Variants in LRRFIP1 observed in about 807,000 individuals in gnomAD.
The protein encoded by LRRFIP1 is LRR binding FLII interacting protein 1.
In LRRFIP1, 62 loss-of-function variants were observed where a neutral mutation model predicts 104.4. The observed-to-expected ratio is 0.59, with a 90% CI of 0.48 to 0.73. LRRFIP1 has a LOEUF of 0.73. Ranked by LOEUF, LRRFIP1 falls within the 30% of genes least tolerant of loss-of-function variation. LRRFIP1 has a pLI of 0.00. For synonymous variants in LRRFIP1, 300 were observed against 299.0 expected, an observed-to-expected ratio of 1.00 and a Z score of -0.03; for missense variants, 796 against 824.5, an observed-to-expected ratio of 0.97 and a Z score of 0.42.
At position 237,717,340 on chromosome 2, in the gene LRRFIP1, C is replaced by G. The variant is rs1371152569; in HGVS notation, c.202-422C>G. On this transcript the variant is annotated intron_variant, in intron 3 of 23. Coordinates refer to ENST00000308482, the MANE Select transcript of LRRFIP1 (RefSeq NM_001137550.2). The surrounding 1 kb of genome is among the most constrained non-coding windows in gnomAD (Gnocchi z 4.2). ...CTTCTCCTCTCAGTTTCCCTGAGGTCCCAACACCGGAATGGCTCTGAGCTT... is the reference window on the plus strand; with the variant it reads ...CTTCTCCTCTCAGTTTCCCTGAGGTGCCAACACCGGAATGGCTCTGAGCTT... Among the ~76,000 whole-genome samples the G allele has an allele frequency of 1.3e-5, 2 of 152,214 alleles. No homozygotes were observed. Among genetic ancestry groups the G allele is most frequent in the African/African-American group, 4.8e-5 (2 of 41,446 alleles).
At chr2:237,666,180 G>A (rs998525451) in intron 1 of LRRFIP1, among the ~76,000 whole-genome samples, 6 of 152,348 alleles carry the variant, frequency 3.9e-5, no homozygotes, top group Middle Eastern at 3.4e-3. Flanking sequence ...CACAGCACTC[G>A]GCACAGTGCC....
intron 1 of LRRFIP1, among the ~76,000 whole-genome samples, chr2:237,693,319 G>A (rs1304573866): frequency 2.0e-5 from 3 of 152,210 alleles, no homozygotes; most frequent in Non-Finnish European, 4.4e-5. Context: ...TCTTTCATCA[G>A]GTAGAAATTA....
At chr2:237,767,131 A>G (rs1576398148) in intron 19 of LRRFIP1, among the ~76,000 whole-genome samples, 3 of 152,200 alleles carry the variant, frequency 2.0e-5, no homozygotes, top group African/African-American at 7.2e-5. Context: ...AATTGTGCTC[A>G]CACCACTGCA....
At position 237,719,562 on chromosome 2, in the gene LRRFIP1, A is replaced by G; in HGVS notation, c.289A>G (p.Thr97Ala). 1.2e-6 allele frequency: 2 copies of G among 1,613,240 alleles called. No homozygotes were observed. Among genetic ancestry groups the G allele is most frequent in the East Asian group, 2.2e-5 (1 of 44,858 alleles). Residue 97 changes from threonine to alanine, a missense_variant, in exon 5 of 24, where the codon ACA becomes GCA. Transcript: ENST00000308482. ...ERYSRRSRRN[T>A]SASDEDERMS... is the part of the protein sequence containing the mutation. Reference sequence around the variant, plus strand: ...CTACTCTCGTAGATCCAGAAGAAACACATCGGTTAGTACCGTGTTCATTCA... The same window carrying G: ...CTACTCTCGTAGATCCAGAAGAAACGCATCGGTTAGTACCGTGTTCATTCA...
chr2:237,779,278 C>T, intron 23 of LRRFIP1, 144 bp from the exon 24 acceptor site: 26 of 1,301,066 alleles, frequency 2.0e-5, no homozygotes, highest in Non-Finnish European at 2.5e-5. Context: ...CCAGTTGTTT[C>T]AGAGGAGGAA....
chr2:237,699,398 G>T (rs1352390163), intron 1 of LRRFIP1, among the ~76,000 whole-genome samples: 2 of 150,612 alleles, frequency 1.3e-5, no homozygotes, highest in East Asian at 3.9e-4. Flanking sequence ...TGTCGCCCAG[G>T]CTGGAGTGCA....
chr2:237,743,032 C>CA (rs3215065), intron 11 of LRRFIP1, among the ~76,000 whole-genome samples: 16,808 of 148,362 alleles, frequency 0.11, 1,167 homozygotes, highest in African/African-American at 0.19. Flanking sequence ...CCCAAAAAAA[C>CA]AAAAAAAAAA....
At chr2:237,672,117 G>A (rs1264192283) in intron 1 of LRRFIP1, among the ~76,000 whole-genome samples, 3 of 151,720 alleles carry the variant, frequency 2.0e-5, no homozygotes, top group Non-Finnish European at 4.4e-5. Context: ...GTTTAACATA[G>A]CATTTGTCTC....
At chr2:237,763,944 C>T (rs774352864) in intron 19 of LRRFIP1, 1 of 1,614,198 alleles carries the variant, frequency 6.2e-7, no homozygotes, top group Admixed American at 1.7e-5. Flanking sequence ...GCCTGTGAAG[C>T]AGAAAGTACA....
At chr2:237,707,321 T>A (rs1026094802) in intron 1 of LRRFIP1, among the ~76,000 whole-genome samples, 1 of 150,880 alleles carries the variant, frequency 6.6e-6, no homozygotes, top group Admixed American at 6.6e-5. Flanking sequence ...TAGTCCCAGC[T>A]ACTCAGGAGG....
chr2:237,748,815 G>A (rs1489832763), intron 12 of LRRFIP1, among the ~76,000 whole-genome samples: 3 of 152,152 alleles, frequency 2.0e-5, no homozygotes, highest in Admixed American at 1.3e-4. Flanking sequence ...GTGTTAGTCC[G>A]TTCTCACACT....
intron 1 of LRRFIP1, among the ~76,000 whole-genome samples, chr2:237,643,975 T>G (rs559219238): frequency 6.6e-6 from 1 of 152,326 alleles, no homozygotes; most frequent in South Asian, 2.1e-4. Flanking sequence ...CCCTCCTTCA[T>G]GTAATAAGAT....
At chr2:237,763,932 A>G in intron 19 of LRRFIP1, 1 of 1,614,238 alleles carries the variant, frequency 6.2e-7, no homozygotes, top group African/African-American at 1.3e-5. Context: ...GACATTAGTG[A>G]TGCCTGTGAA....
At chr2:237,699,591 A>G (rs1368209663) in intron 1 of LRRFIP1, among the ~76,000 whole-genome samples, 1 of 152,094 alleles carries the variant, frequency 6.6e-6, no homozygotes, top group Admixed American at 6.5e-5. Flanking sequence ...ACCTCAGATG[A>G]TCCGCCTGCC....
intron 7 of LRRFIP1, among the ~76,000 whole-genome samples, chr2:237,726,581 A>T (rs1158065105): frequency 6.6e-6 from 1 of 152,206 alleles, no homozygotes; most frequent in East Asian, 1.9e-4. Flanking sequence ...ATTTATTATT[A>T]TGCACATTTT....
At chr2:237,739,418 T>C (rs2150440340) in intron 11 of LRRFIP1, 109 bp downstream of exon 11, 4 of 952,200 alleles carry the variant, frequency 4.2e-6, no homozygotes, top group Admixed American at 5.0e-5. Context: ...TGCGGTGATA[T>C]TATTAGGATT....
chr2:237,774,485 A>C, intron 23 of LRRFIP1, 23 bp downstream of exon 23: 1 of 1,495,706 alleles, frequency 6.7e-7, no homozygotes, highest in Non-Finnish European at 9.3e-7. Flanking sequence ...GGCAATTTCT[A>C]GGAAGAGAAT....
chr2:237,629,570 C>G (rs536624285), intron 1 of LRRFIP1, among the ~76,000 whole-genome samples: 32 of 149,404 alleles, frequency 2.1e-4, no homozygotes, highest in Non-Finnish European at 4.3e-4. Context: ...CTCCCAGGCT[C>G]AAGAGATCCT....
rs991801780 is a variant in LRRFIP1 at position 237,711,740 on chromosome 2, G to C, written c.184-2519G>C. 2.0e-5 allele frequency among the ~76,000 whole-genome samples: 3 copies of C among 152,180 alleles called. No individual in the cohort carries two copies. The highest frequency in any genetic ancestry group is 7.2e-5 in the African/African-American group (3 of 41,448). The stretch of plus-strand genomic sequence containing the variant: ...GACATGTCAGGAGGGGCAGAGAAAT[G>C]AACGTGGCCAAGATGGTGAGTGAGG... On this transcript the variant is annotated intron_variant, in intron 2 of 23. Transcript: ENST00000308482. This position sits in a 1 kb window ranked among gnomAD's most constrained non-coding sequence, Gnocchi z 4.4.
Sources: allele counts gnomAD v4.1 joint callset (sites outside exome capture counted in the v4.1 genomes callset), GRCh38; gene constraint gnomAD v4.1.1; non-coding constraint Gnocchi (gnomAD v3.1); transcripts MANE v1.5; gene names NCBI Gene and HGNC (gene_info 2026-07-23, HGNC 2026-07-21).